SLC25A21: variants seen among roughly 807,000 people sequenced by gnomAD.
SLC25A21 encodes solute carrier family 25 member 21, also known as mitochondrial 2-oxodicarboxylate carrier.
Under a neutral mutation model 43.8 loss-of-function variants are expected in SLC25A21, and 47 were observed. The ratio of observed to expected loss-of-function variants is 1.07; its 90% CI spans 0.85 to 1.37. SLC25A21 has a LOEUF of 1.37. Ranked by LOEUF, SLC25A21 falls within the 40% of genes most tolerant of loss-of-function variation. The probability of loss-of-function intolerance (pLI) is 0.00; values close to 1 mark genes in which losing one functional copy is unlikely to be tolerated. For synonymous variants in SLC25A21, 131 were observed against 121.3 expected (o/e 1.08, Z -0.52); for missense variants, 352 against 350.2 (o/e 1.00, Z -0.04).
chr14:37,163,874 G>A (rs567438102), intron 1 of SLC25A21, among the ~76,000 whole-genome samples: 58 of 152,234 alleles, frequency 3.8e-4, no homozygotes, highest in African/African-American at 1.3e-3. Context: ...TCTGTCTTCA[G>A]AGTAGGAACC....
intron 1 of SLC25A21, among the ~76,000 whole-genome samples, chr14:36,980,026 C>T (rs1342283523): frequency 6.6e-6 from 1 of 152,174 alleles, no homozygotes. Flanking sequence ...TAGTAGTTAC[C>T]TATAGGGAAG....
intron 1 of SLC25A21, among the ~76,000 whole-genome samples, chr14:36,882,705 A>C (rs1890771820): frequency 6.6e-6 from 1 of 151,894 alleles, no homozygotes; most frequent in South Asian, 2.1e-4. Context: ...ACCAATTTAC[A>C]TTTCCAGTCC....
At chr14:36,858,951 G>A (rs2138528123) in intron 2 of SLC25A21, among the ~76,000 whole-genome samples, 1 of 152,236 alleles carries the variant, frequency 6.6e-6, no homozygotes. Flanking sequence ...GGTTTTCAAT[G>A]TAACAAGGAA....
chr14:36,986,555 A>G (rs1960149073), intron 1 of SLC25A21, among the ~76,000 whole-genome samples: 1 of 152,132 alleles, frequency 6.6e-6, no homozygotes, highest in Non-Finnish European at 1.5e-5. Context: ...AGCCTAGAAC[A>G]CTTCCAATGT....
chr14:37,070,651 T>C (rs1962152181), intron 1 of SLC25A21, among the ~76,000 whole-genome samples: 1 of 152,198 alleles, frequency 6.6e-6, no homozygotes, highest in Non-Finnish European at 1.5e-5. Context: ...ACTTTAATCA[T>C]GTCTTCATTG....
chr14:37,121,143 C>G (rs1031639571), intron 1 of SLC25A21, among the ~76,000 whole-genome samples: 1 of 152,130 alleles, frequency 6.6e-6, no homozygotes, highest in Non-Finnish European at 1.5e-5. Flanking sequence ...TCAGAACTTG[C>G]GCCAGGCAAA....
chr14:36,987,906 T>C (rs1594739589), intron 1 of SLC25A21, among the ~76,000 whole-genome samples: 1 of 152,236 alleles, frequency 6.6e-6, no homozygotes. Flanking sequence ...TTCTTTCATA[T>C]GGGCTTGGCC....
intron 3 of SLC25A21, among the ~76,000 whole-genome samples, chr14:36,808,261 G>A (rs931719266): frequency 2.0e-5 from 3 of 152,094 alleles, no homozygotes; most frequent in Admixed American, 6.6e-5. Context: ...AGAGAGCTAA[G>A]GAACAAACAG....
chr14:36,830,726 C>G (rs780971524), intron 2 of SLC25A21, among the ~76,000 whole-genome samples: 5 of 151,976 alleles, frequency 3.3e-5, no homozygotes, highest in Non-Finnish European at 7.4e-5. Flanking sequence ...GTACTGCTGC[C>G]CTTCACCACA....
chr14:36,743,436 A>AG (rs1885357276), intron 3 of SLC25A21, among the ~76,000 whole-genome samples: 2 of 109,408 alleles, frequency 1.8e-5, no homozygotes, highest in African/African-American at 1.2e-4. Flanking sequence ...GGACTCCAAG[A>AG]AAAAAAAACA....
chr14:36,702,533 C>T (rs1011409262), intron 7 of SLC25A21, among the ~76,000 whole-genome samples: 4 of 151,348 alleles, frequency 2.6e-5, no homozygotes, highest in African/African-American at 9.7e-5. Flanking sequence ...AAACGGACTT[C>T]CCTACACCAT....
At chr14:36,915,956 A>G (rs983343362) in intron 1 of SLC25A21, among the ~76,000 whole-genome samples, 2 of 152,188 alleles carry the variant, frequency 1.3e-5, no homozygotes, top group African/African-American at 4.8e-5. Flanking sequence ...CACACACTGG[A>G]AGGACATGGC....
chr14:36,960,761 CCAAA>C (rs1375095654), intron 1 of SLC25A21, among the ~76,000 whole-genome samples: 1 of 152,104 alleles, frequency 6.6e-6, no homozygotes, highest in East Asian at 1.9e-4. Flanking sequence ...CTCAGCAGCA[CCAAA>C]CACAGTTATA....
At chr14:37,080,351 G>C (rs907015492) in intron 1 of SLC25A21, among the ~76,000 whole-genome samples, 19 of 152,244 alleles carry the variant, frequency 1.2e-4, no homozygotes, top group Non-Finnish European at 1.8e-4. Flanking sequence ...CCAGAATTTA[G>C]GGAGGCTGAA....
chr14:36,917,255 C>T (rs1195700160), intron 1 of SLC25A21, among the ~76,000 whole-genome samples: 1 of 152,114 alleles, frequency 6.6e-6, no homozygotes, highest in Non-Finnish European at 1.5e-5. Context: ...CAGGCCTTCA[C>T]CCCTACCCTG....
At position 36,678,434 on chromosome 14, in the gene SLC25A21, T is replaced by C; in HGVS notation, c.*2224A>G. 3.5e-6 allele frequency: 5 copies of C among 1,423,848 alleles called. No individual in the cohort carries two copies. The highest frequency in any genetic ancestry group is 4.8e-6 in the Non-Finnish European group (5 of 1,043,456). The allele number at this position is 1,423,848 out of a possible 1,614,324, so 88.2% of individuals were successfully genotyped here. A position where few individuals can be genotyped will look rare whatever the true frequency, so the allele number is the denominator to read the frequency against. On this transcript the variant is annotated 3_prime_UTR_variant, in exon 10 of 10. Transcript: ENST00000331299. ...AGGAGCAGATGAACTCTCAGGGCCATAGTCTTCCTTTGATCTTGTAAAACT... is the reference window on the plus strand; with the variant it reads ...AGGAGCAGATGAACTCTCAGGGCCACAGTCTTCCTTTGATCTTGTAAAACT...
intron 3 of SLC25A21, among the ~76,000 whole-genome samples, chr14:36,775,975 T>C (rs1331751063): frequency 6.6e-6 from 1 of 152,112 alleles, no homozygotes; most frequent in Admixed American, 6.5e-5. Flanking sequence ...ACACTAAGGG[T>C]TACCACCTCA....
intron 1 of SLC25A21, among the ~76,000 whole-genome samples, chr14:37,131,673 C>T (rs376805015): frequency 6.6e-6 from 1 of 152,162 alleles, no homozygotes; most frequent in African/African-American, 2.4e-5. Context: ...GAATTGGCAA[C>T]GGTCTTTGTT....
chr14:36,750,056 T>C (rs1566571004), intron 3 of SLC25A21, among the ~76,000 whole-genome samples: 2 of 152,190 alleles, frequency 1.3e-5, no homozygotes, highest in Admixed American at 6.5e-5. Context: ...GGACCTGACA[T>C]ATAAGAGACA....
Sources: allele counts gnomAD v4.1 joint callset (sites outside exome capture counted in the v4.1 genomes callset), GRCh38; gene constraint gnomAD v4.1.1; transcripts MANE v1.5; gene names NCBI Gene and HGNC (gene_info 2026-07-23, HGNC 2026-07-21).